Variants in SPARCL1 observed in about 807,000 individuals in gnomAD.
The protein encoded by SPARCL1 is SPARC like 1.
Under a neutral mutation model 67.1 loss-of-function variants are expected in SPARCL1, and 52 were observed. That is an observed-to-expected ratio of 0.78 (90% CI 0.62 to 0.98). The LOEUF is 0.98. Ranked by LOEUF, SPARCL1 falls within the 50% of genes least tolerant of loss-of-function variation. The pLI, the probability that SPARCL1 is intolerant of heterozygous loss-of-function variation, is 0.00. For missense variants in SPARCL1, 717 were observed against 782.4 expected (o/e 0.92, Z 1.00); for synonymous variants, 226 against 267.8 (o/e 0.84, Z 1.52).
intron 1 of SPARCL1, among the ~76,000 whole-genome samples, chr4:87,514,206 T>G (rs1010439918): frequency 6.6e-5 from 10 of 152,142 alleles, no homozygotes; most frequent in Admixed American, 5.9e-4. Context: ...GAAAAAAGAT[T>G]ATTCCTGAAT....
chr4:87,499,194 A>T (rs1397891948), intron 2 of SPARCL1, among the ~76,000 whole-genome samples: 1 of 152,154 alleles, frequency 6.6e-6, no homozygotes, highest in Non-Finnish European at 1.5e-5. Context: ...TGGGTTTATA[A>T]TAACAATGTG....
intron 1 of SPARCL1, among the ~76,000 whole-genome samples, chr4:87,527,963 A>G (rs1481942536): frequency 6.6e-6 from 1 of 151,940 alleles, no homozygotes; most frequent in Non-Finnish European, 1.5e-5. Flanking sequence ...AAAGGGGAGA[A>G]TAAAAAAAAA....
At chr4:87,495,440 G>A (rs1167160568) in intron 2 of SPARCL1, among the ~76,000 whole-genome samples, 3 of 152,104 alleles carry the variant, frequency 2.0e-5, no homozygotes, top group African/African-American at 7.2e-5. Context: ...CTTTTGCAAA[G>A]CATTTGTACT....
intron 1 of SPARCL1, among the ~76,000 whole-genome samples, chr4:87,520,631 C>T (rs2110264357): frequency 6.6e-6 from 1 of 152,246 alleles, no homozygotes; most frequent in South Asian, 2.1e-4. Flanking sequence ...TGTTTAGTTT[C>T]CTTTTGTATC....
chr4:87,502,438 C>A (rs974599455), intron 1 of SPARCL1, among the ~76,000 whole-genome samples: 4 of 152,180 alleles, frequency 2.6e-5, no homozygotes, highest in Non-Finnish European at 1.5e-5. Context: ...TCACCCTTCC[C>A]AGCCTCAAGT....
chr4:87,490,148 T>C (rs986718604), intron 7 of SPARCL1, 125 bp downstream of exon 7: 4 of 1,038,158 alleles, frequency 3.9e-6, no homozygotes, highest in African/African-American at 3.3e-5. Flanking sequence ...GTTTCTCCAG[T>C]TGATAATTTT....
chr4:87,519,073 T>C (rs1243960358), intron 1 of SPARCL1, among the ~76,000 whole-genome samples: 1 of 151,110 alleles, frequency 6.6e-6, no homozygotes, highest in African/African-American at 2.4e-5. Flanking sequence ...CAAGTCCCTA[T>C]CTTTTTTTTT....
rs529240635 is a variant in SPARCL1, at chr4:87,487,994, C to T, written c.1531+2279G>A. ...CTGGTTATTCTGGTTAGCAATTCCT[C>T]TAACCTTTTTTCAAGGTTCTTAGCT... On this transcript the variant is annotated intron_variant, in intron 7 of 10. Transcript: ENST00000282470. 2.6e-5 allele frequency among the ~76,000 whole-genome samples: 4 copies of T among 152,320 alleles called. No individual in the cohort carries two copies. In the South Asian group the frequency reaches 8.3e-4, roughly 32 times the overall value.
intron 1 of SPARCL1, among the ~76,000 whole-genome samples, chr4:87,500,698 C>T (rs1724805198): frequency 6.6e-6 from 1 of 152,058 alleles, no homozygotes; most frequent in African/African-American, 2.4e-5. Flanking sequence ...TATTTCTAAA[C>T]AATGTGCTTA....
intron 8 of SPARCL1, 98 bp from the exon 9 acceptor site, chr4:87,480,618 T>C: frequency 3.4e-6 from 4 of 1,161,002 alleles, no homozygotes; most frequent in South Asian, 3.4e-5. Context: ...AGTAACACGA[T>C]AGGGGAAAAC....
chr4:87,479,319 T>C (rs1723707477), intron 10 of SPARCL1, 111 bp downstream of exon 10: 1 of 1,202,964 alleles, frequency 8.3e-7, no homozygotes, highest in African/African-American at 1.5e-5. Context: ...CACCTTTTTT[T>C]TTCTAGCTTC....
At chr4:87,504,629 C>T (rs1360589074) in intron 1 of SPARCL1, among the ~76,000 whole-genome samples, 6 of 152,154 alleles carry the variant, frequency 3.9e-5, no homozygotes, top group Non-Finnish European at 8.8e-5. Context: ...GGCTCCCACT[C>T]CAGCTTTTTT....
rs996979895 is a variant in SPARCL1 at position 87,478,387 on chromosome 4, G to A, written c.1966+1043C>T. ...CATACTATCATTTTTGTGTGTGTGT[G>A]TGTGGTGAGAATTGCGAGTAGATTT... On this transcript the variant is annotated intron_variant, in intron 10 of 10. Coordinates refer to ENST00000282470, the MANE Select transcript of SPARCL1 (RefSeq NM_004684.6). Among the ~76,000 whole-genome samples, 3 of 151,784 alleles carry A rather than the reference G, an allele frequency of 2.0e-5. No individual in the cohort carries two copies. In the South Asian group the frequency reaches 6.2e-4, roughly 32 times the overall value.
At position 87,494,483 on chromosome 4, in the gene SPARCL1, T is replaced by G. The variant is rs1724529620; in HGVS notation, c.317A>C (p.His106Pro). The change falls in exon 4 of 11, where the codon CAC becomes CCC. Residue 106 changes from histidine to proline, a missense_variant. His to Pro is a moderately conservative substitution (Grantham distance 77, BLOSUM62 -2). Transcript: ENST00000282470. ...TGCATACTCCAAATTCACACTTAAG[T>G]GACCATCACTGTCCTCTTGATCCTT... is the stretch of plus-strand genomic sequence containing the variant. ...GLKDQEDSDG[H>P]LSVNLEYAPT... The G allele has an allele frequency of 6.2e-7, 1 of 1,613,980 alleles. No homozygotes were observed.
rs755715073 is a variant in SPARCL1 at position 87,490,752 on chromosome 4, A to G, written c.1410+8T>C. The G allele has an allele frequency of 2.6e-6, 4 of 1,552,590 alleles. No individual in the cohort carries two copies. Among genetic ancestry groups the G allele is most frequent in the Non-Finnish European group, 3.5e-6 (4 of 1,132,632 alleles). ...AGCCACTTAAAGACTATTTTGCAGA[A>G]TACTTACTTGATCAAGGGGTTTTGT... is the stretch of plus-strand genomic sequence containing the variant. On this transcript the variant is annotated splice_region_variant and intron_variant, in intron 6 of 10. Transcript: ENST00000282470.
At chr4:87,495,979 C>T (rs927505419) in intron 2 of SPARCL1, among the ~76,000 whole-genome samples, 2 of 152,042 alleles carry the variant, frequency 1.3e-5, no homozygotes, top group Non-Finnish European at 2.9e-5. Flanking sequence ...AGACAGGGCA[C>T]TAAGCCTAAG....
At chr4:87,497,317 C>A (rs943780179) in intron 2 of SPARCL1, 2 of 632,880 alleles carry the variant, frequency 3.2e-6, no homozygotes, top group African/African-American at 4.0e-5. Context: ...ATGGTGGCCA[C>A]TTTGGTAAGC....
intron 7 of SPARCL1, among the ~76,000 whole-genome samples, chr4:87,483,543 A>C (rs1348393584): frequency 1.3e-5 from 2 of 152,200 alleles, no homozygotes; most frequent in Non-Finnish European, 2.9e-5. Context: ...GCTGTAATAA[A>C]CATATGTGTG....
chr4:87,496,734 A>T (rs1724635269), intron 2 of SPARCL1, among the ~76,000 whole-genome samples: 2 of 152,202 alleles, frequency 1.3e-5, no homozygotes. Context: ...TTTATTAGAG[A>T]GATACTCTGG....
Sources: gnomAD v4.1 joint callset for allele counts (sites outside exome capture counted in the v4.1 genomes callset) on GRCh38, gnomAD v4.1.1 for gene constraint, MANE v1.5 for transcripts, NCBI Gene and HGNC (gene_info 2026-07-23, HGNC 2026-07-21) for gene names.